Variants in RIT2 observed in about 807,000 individuals in gnomAD.
RIT2 encodes GTP-binding protein Rit2.
RIT2 carries 24 observed loss-of-function variants against 23.7 expected under a neutral mutation model. The observed-to-expected ratio is 1.01, with a 90% CI of 0.73 to 1.43. RIT2 has a LOEUF of 1.43. Among genes scored for constraint, RIT2 ranks in the 40% most tolerant of loss-of-function variants. The probability of loss-of-function intolerance (pLI) is 0.00; values close to 1 mark genes in which losing one functional copy is unlikely to be tolerated. For missense variants in RIT2, 236 were observed against 266.9 expected (o/e 0.88, Z 0.81); for synonymous variants, 107 against 91.1 (o/e 1.17, Z -0.99).
At chr18:42,768,639 C>G (rs562292970) in intron 4 of RIT2, among the ~76,000 whole-genome samples, 4 of 152,022 alleles carry the variant, frequency 2.6e-5, no homozygotes, top group African/African-American at 4.8e-5. Flanking sequence ...TTTCCTGTTG[C>G]TTAAAACAGA....
chr18:42,833,987 C>T (rs1906530849), intron 4 of RIT2, among the ~76,000 whole-genome samples: 1 of 152,000 alleles, frequency 6.6e-6, no homozygotes, highest in Admixed American at 6.6e-5. Context: ...TGATTTTAGA[C>T]TTTTCAATAA....
chr18:43,097,977 G>C (rs1364403372), intron 1 of RIT2, among the ~76,000 whole-genome samples: 3 of 151,958 alleles, frequency 2.0e-5, no homozygotes, highest in Non-Finnish European at 4.4e-5. Flanking sequence ...GACCTTATTA[G>C]TTAGCTAGAT....
In RIT2 at chr18:42,751,235, G is replaced by T. The variant is rs141137088; in HGVS notation, c.427-7515C>A. Among the ~76,000 whole-genome samples the T allele has an allele frequency of 9.9e-5, 15 of 151,930 alleles. No homozygotes were observed. The East Asian group carries it at 2.7e-3, about 27-fold the overall frequency. On this transcript the variant is annotated intron_variant, in intron 4 of 4. Transcript: ENST00000326695. The stretch of plus-strand genomic sequence containing the variant: ...GAGTTATTTCCACCAACATAGAAAG[G>T]TAATTTTTCTTTAAGAAGAGTAGAA...
rs375531924 is a variant in RIT2, at chr18:43,019,179, C to T, written c.160+14632G>A. 1.1e-4 allele frequency among the ~76,000 whole-genome samples: 16 copies of T among 150,540 alleles called. No homozygotes were observed. In the East Asian group the frequency reaches 1.6e-3, roughly 15 times the overall value. On this transcript the variant is annotated intron_variant, in intron 2 of 4. Coordinates refer to ENST00000326695, the MANE Select transcript of RIT2 (RefSeq NM_002930.4). ...TTCACTAGTAAATACACATACAGAC[C>T]GAAAATAAAGGGATAGAAAAAAATA...
chr18:43,049,258 G>C (rs532882961), intron 1 of RIT2, among the ~76,000 whole-genome samples: 2 of 152,104 alleles, frequency 1.3e-5, no homozygotes, highest in South Asian at 4.1e-4. Context: ...AGTTGTCCAG[G>C]GTTTGATAGA....
intron 1 of RIT2, among the ~76,000 whole-genome samples, chr18:43,108,438 G>A (rs1223669162): frequency 6.6e-6 from 1 of 151,946 alleles, no homozygotes; most frequent in Non-Finnish European, 1.5e-5. Flanking sequence ...GGCAGGGTGA[G>A]GGGTATAGTA....
intron 2 of RIT2, among the ~76,000 whole-genome samples, chr18:43,028,407 G>A (rs1378321770): frequency 6.6e-6 from 1 of 151,932 alleles, no homozygotes; most frequent in South Asian, 2.1e-4. Context: ...AAGAACTAAC[G>A]GGAGTCCAGT....
intron 4 of RIT2, among the ~76,000 whole-genome samples, chr18:42,870,918 A>G (rs1907607145): frequency 1.3e-5 from 2 of 152,242 alleles, no homozygotes; most frequent in Admixed American, 1.3e-4. Flanking sequence ...TTAATTTCCC[A>G]TAAAAGACTG....
At chr18:42,818,584 A>G (rs1461287723) in intron 4 of RIT2, among the ~76,000 whole-genome samples, 2 of 152,058 alleles carry the variant, frequency 1.3e-5, no homozygotes, top group African/African-American at 2.4e-5. Flanking sequence ...AAAAGTTGCT[A>G]TAAGCATTAA....
intron 4 of RIT2, among the ~76,000 whole-genome samples, chr18:42,811,301 A>AT (rs931626890): frequency 6.6e-6 from 1 of 152,078 alleles, no homozygotes; most frequent in African/African-American, 2.4e-5. Context: ...CAATAATAAC[A>AT]TTTTTTTATG....
intron 2 of RIT2, among the ~76,000 whole-genome samples, chr18:43,014,561 G>A (rs910844325): frequency 1.2e-4 from 18 of 150,342 alleles, no homozygotes; most frequent in African/African-American, 4.4e-4. Flanking sequence ...TAAGATGGAG[G>A]CCTTTACTCC....
intron 2 of RIT2, among the ~76,000 whole-genome samples, chr18:42,974,664 A>G (rs1465811495): frequency 6.6e-6 from 1 of 152,096 alleles, no homozygotes; most frequent in African/African-American, 2.4e-5. Context: ...TCTTATATGT[A>G]GAACCCTAAA....
At chr18:42,903,561 T>A (rs1427313413) in intron 4 of RIT2, among the ~76,000 whole-genome samples, 1 of 152,076 alleles carries the variant, frequency 6.6e-6, no homozygotes. Flanking sequence ...ATATACGACA[T>A]TTATTTACAA....
intron 4 of RIT2, among the ~76,000 whole-genome samples, chr18:42,900,326 A>C (rs1404672092): frequency 6.6e-6 from 1 of 152,084 alleles, no homozygotes; most frequent in Non-Finnish European, 1.5e-5. Context: ...GCTTTTCAGA[A>C]AACCTACCTT....
intron 3 of RIT2, among the ~76,000 whole-genome samples, chr18:42,948,343 C>A (rs1909774847): frequency 6.6e-6 from 1 of 151,946 alleles, no homozygotes; most frequent in African/African-American, 2.4e-5. Context: ...ACTCCCAGGG[C>A]CTGATCTCTG....
intron 4 of RIT2, among the ~76,000 whole-genome samples, chr18:42,814,242 A>C (rs1905931273): frequency 6.6e-6 from 1 of 152,188 alleles, no homozygotes; most frequent in Non-Finnish European, 1.5e-5. Context: ...GAGGGCATTA[A>C]TCTGGTGTGC....
At chr18:42,782,893 C>T (rs1943171) in intron 4 of RIT2, among the ~76,000 whole-genome samples, 10 of 151,666 alleles carry the variant, frequency 6.6e-5, no homozygotes, top group Non-Finnish European at 1.3e-4. Flanking sequence ...AAAGAACAAG[C>T]AAGATCATTA....
chr18:42,934,054 A>C (rs552275119), intron 3 of RIT2, among the ~76,000 whole-genome samples: 2 of 139,804 alleles, frequency 1.4e-5, no homozygotes, highest in East Asian at 4.2e-4. Context: ...AAAAAAAAAG[A>C]AACCTCTTTC....
rs76387323 is a variant in RIT2, at chr18:42,870,169, A to G, written c.426+53403T>C. On this transcript the variant is annotated intron_variant, in intron 4 of 4. Transcript: ENST00000326695. ...AAAATCAAATTAAGGAAAAATCACA[A>G]TACATCTGGTTCAGATTTATATATT... is the stretch of plus-strand genomic sequence containing the variant. 5.2e-3 allele frequency among the ~76,000 whole-genome samples: 785 copies of G among 152,320 alleles called. 8 individuals are homozygous for G. Among genetic ancestry groups the G allele is most frequent in the African/African-American group, 0.018 (737 of 41,576 alleles).
Sources: gnomAD v4.1 joint callset for allele counts (sites outside exome capture counted in the v4.1 genomes callset) on GRCh38, gnomAD v4.1.1 for gene constraint, MANE v1.5 for transcripts, NCBI Gene and HGNC (gene_info 2026-07-23, HGNC 2026-07-21) for gene names.